ARMCX3: variants seen among roughly 807,000 people sequenced by gnomAD.
The protein encoded by ARMCX3 is armadillo repeat containing X-linked 3.
A neutral mutation model predicts 12.6 loss-of-function variants in ARMCX3; 3 were observed. The observed-to-expected ratio is 0.24, with a 90% CI of 0.11 to 0.61. The LOEUF (loss-of-function observed/expected upper bound fraction) is 0.61. ARMCX3 is among the 20% of genes least tolerant of loss of function. The pLI, the probability that ARMCX3 is intolerant of heterozygous loss-of-function variation, is 0.88. For synonymous variants in ARMCX3, 102 were observed against 103.1 expected, an observed-to-expected ratio of 0.99 and a Z score of 0.06; for missense variants, 204 against 286.1, an observed-to-expected ratio of 0.71 and a Z score of 2.07.
At position 101,626,164 on chromosome X, in the gene ARMCX3, T is replaced by A; in HGVS notation, c.*45T>A. 9.4e-7 allele frequency: 1 copy of A among 1,062,315 alleles called. No individual in the cohort carries two copies. Among genetic ancestry groups the A allele is most frequent in the South Asian group, 2.4e-5 (1 of 42,131 alleles). 87.5% of individuals were successfully genotyped at this position (1,062,315 alleles called of 1,213,427 possible). ...AGAAGCAACACACATTGTAAACTAT[T>A]CATTTTCTCCACCTTGTTTATATGG... On this transcript the variant is annotated 3_prime_UTR_variant, in exon 5 of 5. Coordinates refer to ENST00000471229, the MANE Select transcript of ARMCX3 (RefSeq NM_177947.3).
In ARMCX3 at chrX:101,625,787, T is replaced by C; in HGVS notation, c.808T>C (p.Leu270=). The change falls in exon 5 of 5, where the codon TTG becomes CTG. Residue 270 remains leucine (L), a synonymous_variant. Transcript: ENST00000471229. ...TCAGGTTCTGAAACTCCTTTTGAATTTGGCTGAAAATCCAGCCATGACTAG... is the reference window on the plus strand; with the variant it reads ...TCAGGTTCTGAAACTCCTTTTGAATCTGGCTGAAAATCCAGCCATGACTAG... ...KLQVLKLLLN[L]AENPAMTREL... 1.7e-6 allele frequency: 2 copies of C among 1,186,864 alleles called. No individual in the cohort carries two copies. Among genetic ancestry groups the C allele is most frequent in the Non-Finnish European group, 2.3e-6 (2 of 884,676 alleles).
rs1935961821 is a variant in ARMCX3, at chrX:101,624,988, C to T, written c.9C>T (p.Tyr3=). The T allele has an allele frequency of 2.6e-6, 3 of 1,136,180 alleles. No homozygotes were observed. Among genetic ancestry groups the T allele is most frequent in the Admixed American group, 3.0e-5 (1 of 33,306 alleles). The allele number at this position is 1,136,180 out of a possible 1,213,427, so 93.6% of individuals were successfully genotyped here. A position where few individuals can be genotyped will look rare whatever the true frequency, so the allele number is the denominator to read the frequency against. The change falls in exon 5 of 5, where the codon TAC becomes TAT. Residue 3 remains tyrosine, a synonymous_variant. Transcript: ENST00000471229. MG[Y]ARKVGWVTAG... The stretch of plus-strand genomic sequence containing the variant: ...TTGTCGGGGACGATTGCATGGGCTA[C>T]GCCAGGAAAGTAGGCTGGGTGACCG...
Position 101,626,012 on chromosome X carries a change from G to C in ARMCX3, c.1033G>C (p.Asp345His). ...TTTAAAAGAATTTCAAGTGTGTGCT[G>C]ATAAGGTTCTGGGAATAGAAAGTCA... is the stretch of plus-strand genomic sequence containing the variant. ...FFLKEFQVCA[D>H]KVLGIESHHD... Residue 345 changes from aspartate (D) to histidine (H), a missense_variant, in exon 5 of 5, where the codon GAT (aspartate) becomes CAT (histidine). By Grantham distance (81) the Asp-to-His change is moderately conservative. Transcript: ENST00000471229. 1 of 1,206,896 alleles carries C rather than the reference G, an allele frequency of 8.3e-7. No individual in the cohort carries two copies. Among genetic ancestry groups the C allele is most frequent in the South Asian group, 1.8e-5 (1 of 55,212 alleles).
chrX:101,625,868 G>A lies in ARMCX3; in HGVS notation c.889G>A (p.Glu297Lys). The change falls in exon 5 of 5, where the codon GAG (glutamate) becomes AAG (lysine). Residue 297 changes from glutamate to lysine, a missense_variant. Coordinates refer to ENST00000471229, the MANE Select transcript of ARMCX3 (RefSeq NM_177947.3). Reference sequence around the variant, plus strand: ...ACTGGGCTCCCTCTTTAATAAGAAGGAGAACAAAGAAGTTATTCTTAAACT... The same window carrying A: ...ACTGGGCTCCCTCTTTAATAAGAAGAAGAACAAAGAAGTTATTCTTAAACT... ...SSLGSLFNKK[E>K]NKEVILKLLV... is the part of the protein sequence containing the mutation. The A allele has an allele frequency of 1.3e-5, 16 of 1,206,066 alleles. No individual in the cohort carries two copies. Among genetic ancestry groups the A allele is most frequent in the Non-Finnish European group, 1.8e-5 (16 of 892,447 alleles).
Position 101,626,480 on chromosome X carries a change from A to T in ARMCX3, c.*361A>T, listed in dbSNP as rs1372610507. 6.8e-6 allele frequency: 1 copy of T among 147,115 alleles called. No individual in the cohort carries two copies. The highest frequency in any genetic ancestry group is 1.4e-5 in the Non-Finnish European group (1 of 69,563). 12.1% of individuals were successfully genotyped at this position (147,115 alleles called of 1,213,427 possible). ...AATTGTATGTTAATGCTGGAAAGAA[A>T]AAAAGAAGAAAGAAAGAAACCATCC... On this transcript the variant is annotated 3_prime_UTR_variant, in exon 5 of 5. Coordinates refer to ENST00000471229, the MANE Select transcript of ARMCX3 (RefSeq NM_177947.3).
At position 101,627,233 on chromosome X, in the gene ARMCX3, A is replaced by G. The variant is rs958405869; in HGVS notation, c.*1114A>G. On this transcript the variant is annotated 3_prime_UTR_variant, in exon 5 of 5. Transcript: ENST00000471229. ...ATTATAAGTATGCTGATGGAAATCT[A>G]TATTGCCAGGAAAAGCTATTCATTA... 2 of 123,629 alleles carry G rather than the reference A, an allele frequency of 1.6e-5. No homozygotes were observed. Among genetic ancestry groups the G allele is most frequent in the East Asian group, 5.5e-4 (2 of 3,612 alleles). The allele number at this position is 123,629 out of a possible 1,213,427, so 10.2% of individuals were successfully genotyped here.
chrX:101,624,066 A>T (rs1176053763), intron 2 of ARMCX3, 92 bp from the exon 3 acceptor site: 4 of 112,572 alleles, frequency 3.6e-5, no homozygotes, highest in African/African-American at 1.3e-4. Context: ...AGTGGGGGAA[A>T]TGACAGCAGG....
rs1556038433 is a variant in ARMCX3, at chrX:101,625,394, C to G, written c.415C>G (p.Leu139Val). 1 of 1,208,155 alleles carries G rather than the reference C, an allele frequency of 8.3e-7. No individual in the cohort carries two copies. Among genetic ancestry groups the G allele is most frequent in the Non-Finnish European group, 1.1e-6 (1 of 893,975 alleles). ...TGAGATGTCTGAAAAGCCTTATATTCTTGAAGCAGCTTTAATTGCTCTGGG... is the reference window on the plus strand; with the variant it reads ...TGAGATGTCTGAAAAGCCTTATATTGTTGAAGCAGCTTTAATTGCTCTGGG... ...LVEMSEKPYI[L>V]EAALIALGNN... Residue 139 changes from leucine to valine, a missense_variant, in exon 5 of 5, where the codon CTT becomes GTT. Leu to Val is a conservative substitution (Grantham distance 32). Coordinates refer to ENST00000471229, the MANE Select transcript of ARMCX3 (RefSeq NM_177947.3).
chrX:101,626,041 T>A lies in ARMCX3; in HGVS notation c.1062T>A (p.His354Gln), dbSNP rs782629163. 1 of 1,196,540 alleles carries A rather than the reference T, an allele frequency of 8.4e-7. No individual in the cohort carries two copies. Among genetic ancestry groups the A allele is most frequent in the African/African-American group, 1.8e-5 (1 of 56,447 alleles). ...ADKVLGIESH[H>Q]DFLVKVKVGK... ...AGGTTCTGGGAATAGAAAGTCACCA[T>A]GATTTTTTGGTGAAAGTAAAAGTTG... The change falls in exon 5 of 5, where the codon CAT (histidine) becomes CAA (glutamine). Residue 354 changes from histidine to glutamine, a missense_variant. By Grantham distance (24) the His-to-Gln change is conservative. Coordinates refer to ENST00000471229, the MANE Select transcript of ARMCX3 (RefSeq NM_177947.3).
chrX:101,625,278 G>A lies in ARMCX3; in HGVS notation c.299G>A (p.Arg100Gln), dbSNP rs1041715655. 1.4e-5 allele frequency: 17 copies of A among 1,207,219 alleles called. No homozygotes were observed. Among genetic ancestry groups the A allele is most frequent in the Non-Finnish European group, 1.8e-5 (16 of 893,532 alleles). Residue 100 changes from arginine (R) to glutamine (Q), a missense_variant, in exon 5 of 5, where the codon CGG (arginine) becomes CAG (glutamine). By Grantham distance (43) the Arg-to-Gln change is conservative. Transcript: ENST00000471229. ...GCCAGGGCAAGGGCCAGGGCTACCC[G>A]GGCACGTCGGGCTGTCCAGAAACGG... ...ARARARARATRARRAVQKRAS... is the reference protein window; with the variant it reads ...ARARARARATQARRAVQKRAS...
Position 101,627,549 on chromosome X carries a change from C to T in ARMCX3, c.*1430C>T, listed in dbSNP as rs1168503088. 8.1e-6 allele frequency: 1 copy of T among 123,430 alleles called. No homozygotes were observed. Among genetic ancestry groups the T allele is most frequent in the Non-Finnish European group, 1.9e-5 (1 of 53,234 alleles). The allele number at this position is 123,430 out of a possible 1,213,427, so 10.2% of individuals were successfully genotyped here. ...AGCAAGTGATTGATTGGAAAACATA[C>T]TGAATGGAAGAAATATTTAGATTAA... On this transcript the variant is annotated 3_prime_UTR_variant, in exon 5 of 5. Transcript: ENST00000471229.
At chrX:101,624,456 T>A (rs1935951402) in intron 3 of ARMCX3, 24 bp from the exon 4 acceptor site, 1 of 113,023 alleles carries the variant, frequency 8.8e-6, no homozygotes, top group Non-Finnish European at 1.8e-5. Flanking sequence ...TGCTCCATTC[T>A]CACTGGCTCT....
rs1441223395 is a variant in ARMCX3, at chrX:101,624,564, T to G, written c.-147+14T>G. 7.9e-6 allele frequency: 1 copy of G among 126,729 alleles called. No individual in the cohort carries two copies. The highest frequency in any genetic ancestry group is 1.5e-5 in the Non-Finnish European group (1 of 64,616). The allele number at this position is 126,729 out of a possible 1,213,427, so 10.4% of individuals were successfully genotyped here. Reference sequence around the variant, plus strand: ...TGTCTTGAGGAGGTTAGTGCAAGGGTTCTAGTCAGGTCCCTAGGGACATCT... The same window carrying G: ...TGTCTTGAGGAGGTTAGTGCAAGGGGTCTAGTCAGGTCCCTAGGGACATCT... On this transcript the variant is annotated intron_variant, in intron 4 of 4. Coordinates refer to ENST00000471229, the MANE Select transcript of ARMCX3 (RefSeq NM_177947.3).
chrX:101,625,496 A>C lies in ARMCX3; in HGVS notation c.517A>C (p.Asn173His), dbSNP rs1556038462. 1 of 1,210,048 alleles carries C rather than the reference A, an allele frequency of 8.3e-7. No homozygotes were observed. Among genetic ancestry groups the C allele is most frequent in the Non-Finnish European group, 1.1e-6 (1 of 894,877 alleles). Residue 173 changes from asparagine (N) to histidine (H), a missense_variant, in exon 5 of 5, where the codon AAT (asparagine) becomes CAT (histidine). Asn to His is a moderately conservative substitution (Grantham distance 68). Coordinates refer to ENST00000471229, the MANE Select transcript of ARMCX3 (RefSeq NM_177947.3). ...GGLPIVAKIL[N>H]TRDPIVKEKA... ...TCTCCCAATTGTCGCAAAGATTCTC[A>C]ATACTCGGGATCCCATAGTTAAGGA...
In ARMCX3 at chrX:101,625,226, G is replaced by T; in HGVS notation, c.247G>T (p.Gly83Trp). 8.3e-7 allele frequency: 1 copy of T among 1,211,384 alleles called. No individual in the cohort carries two copies. Residue 83 changes from glycine to tryptophan, a missense_variant, in exon 5 of 5, where the codon GGG (glycine) becomes TGG (tryptophan). Gly to Trp is a radical substitution (Grantham distance 184). Coordinates refer to ENST00000471229, the MANE Select transcript of ARMCX3 (RefSeq NM_177947.3). ...ATGGTACCCACCTTGGGCTCGGATTGGGACTGAAGCTGGAACCAGAGCTAG... is the reference window on the plus strand; with the variant it reads ...ATGGTACCCACCTTGGGCTCGGATTTGGACTGAAGCTGGAACCAGAGCTAG... The part of the protein sequence containing the change: ...IVWYPPWARI[G>W]TEAGTRARAR...
chrX:101,625,078 G>A lies in ARMCX3; in HGVS notation c.99G>A (p.Gln33=). 8.4e-7 allele frequency: 1 copy of A among 1,191,872 alleles called. No homozygotes were observed. Among genetic ancestry groups the A allele is most frequent in the Non-Finnish European group, 1.1e-6 (1 of 886,379 alleles). Residue 33 remains glutamine, a synonymous_variant, in exon 5 of 5, where the codon CAG becomes CAA. Coordinates refer to ENST00000471229, the MANE Select transcript of ARMCX3 (RefSeq NM_177947.3). Reference sequence around the variant, plus strand: ...ATAGACTGACTAGGGGAAGAAAACAGAACAAGGAAAAAATGGCTGAGGGTG... The same window carrying A: ...ATAGACTGACTAGGGGAAGAAAACAAAACAAGGAAAAAATGGCTGAGGGTG... The part of the protein sequence containing the change: ...CIYRLTRGRK[Q]NKEKMAEGGS...
chrX:101,624,951 T>C lies in ARMCX3; in HGVS notation c.-29T>C. The C allele has an allele frequency of 9.0e-7, 1 of 1,112,676 alleles. No individual in the cohort carries two copies. The allele number at this position is 1,112,676 out of a possible 1,213,427, so 91.7% of individuals were successfully genotyped here. ...CAGCCTGAGTGACTACTCTATTCCT[T>C]GGTCCCTGCTATTGTCGGGGACGAT... On this transcript the variant is annotated 5_prime_UTR_variant, in exon 5 of 5. Transcript: ENST00000471229.
Position 101,624,825 on chromosome X carries a change from C to A in ARMCX3, c.-146-9C>A. 1 of 429,271 alleles carries A rather than the reference C, an allele frequency of 2.3e-6. No individual in the cohort carries two copies. Among genetic ancestry groups the A allele is most frequent in the Non-Finnish European group, 3.7e-6 (1 of 272,150 alleles). 35.4% of individuals were successfully genotyped at this position (429,271 alleles called of 1,213,427 possible). ...AAACTCAAACCCAATTTTCTTCTTC[C>A]ACTCCTAGGTCAACCCCCAGAATCA... On this transcript the variant is annotated splice_polypyrimidine_tract_variant and intron_variant, in intron 4 of 4. Transcript: ENST00000471229.
Position 101,625,474 on chromosome X carries a change from C to T in ARMCX3, c.495C>T (p.Leu165=). 8.3e-7 allele frequency: 1 copy of T among 1,209,441 alleles called. No individual in the cohort carries two copies. Among genetic ancestry groups the T allele is most frequent in the Non-Finnish European group, 1.1e-6 (1 of 894,529 alleles). Residue 165 remains leucine (L), a synonymous_variant, in exon 5 of 5, where the codon CTC becomes CTT. Coordinates refer to ENST00000471229, the MANE Select transcript of ARMCX3 (RefSeq NM_177947.3). ...NRDIIRDLGG[L]PIVAKILNTR... ...ATATTATTCGTGATCTGGGTGGTCT[C>T]CCAATTGTCGCAAAGATTCTCAATA...
Sources: gnomAD v4.1 joint callset for allele counts on GRCh38, gnomAD v4.1.1 for gene constraint, MANE v1.5 for transcripts, NCBI Gene and HGNC (gene_info 2026-07-23, HGNC 2026-07-21) for gene names.